Variants in THADA observed in about 807,000 individuals in gnomAD.
THADA encodes the protein tRNA (32-2'-O)-methyltransferase regulator THADA.
THADA carries 213 observed loss-of-function variants against 219.8 expected under a neutral mutation model. That is an observed-to-expected ratio of 0.97 (90% CI 0.87 to 1.09). The LOEUF (loss-of-function observed/expected upper bound fraction) is 1.09, where lower values mean the gene tolerates loss of function less well. Among genes scored for constraint, THADA ranks in the 50% least tolerant of loss-of-function variants. The pLI, the probability that THADA is intolerant of heterozygous loss-of-function variation, is 0.00. For synonymous variants in THADA, 1,018 were observed against 828.9 expected (o/e 1.23, Z -3.92); for missense variants, 2,956 against 2,311.3 (o/e 1.28, Z -5.72).
In THADA at chr2:43,560,250, G is replaced by A; in HGVS notation, c.2447C>T (p.Thr816Ile). 1 of 1,611,476 alleles carries A rather than the reference G, an allele frequency of 6.2e-7. No individual in the cohort carries two copies. The highest frequency in any genetic ancestry group is 1.3e-5 in the African/African-American group (1 of 74,938). Residue 816 changes from threonine (T) to isoleucine (I), a missense_variant, in exon 16 of 38, where the codon ACA (threonine) becomes ATA (isoleucine). By Grantham distance (89) the Thr-to-Ile change is moderately conservative (BLOSUM62 -1). Transcript: ENST00000405975. The stretch of plus-strand genomic sequence containing the variant: ...TCCTGATACCTGAAAATGTACAGCT[G>A]TTTTTGATAACTTCATCAGAAGATC... Reference protein sequence around the residue: ...AFDLLMKLSKTAVHFQDSGKL... With the variant: ...AFDLLMKLSKIAVHFQDSGKL...
intron 29 of THADA, among the ~76,000 whole-genome samples, chr2:43,366,818 A>G (rs892944141): frequency 1.3e-5 from 2 of 152,350 alleles, no homozygotes; most frequent in East Asian, 3.9e-4. Context: ...TCTCAAAGAG[A>G]TATTTGTACA....
intron 25 of THADA, among the ~76,000 whole-genome samples, chr2:43,498,221 G>T (rs1051363409): frequency 3.3e-5 from 5 of 152,136 alleles, no homozygotes; most frequent in Admixed American, 2.0e-4. Context: ...GTTACTAGGG[G>T]TGAGGGAGAT....
chr2:43,502,435 A>T (rs1246209909), intron 24 of THADA, among the ~76,000 whole-genome samples: 7 of 152,032 alleles, frequency 4.6e-5, no homozygotes, highest in Non-Finnish European at 8.8e-5. Context: ...AAATATAAAA[A>T]TTATCAGGGC....
At position 43,452,894 on chromosome 2, in the gene THADA, A is replaced by G. The variant is rs140740698; in HGVS notation, c.3837-22592T>C. Among the ~76,000 whole-genome samples, 593 of 152,244 alleles carry G rather than the reference A, an allele frequency of 3.9e-3. 4 individuals carry two copies. The highest frequency in any genetic ancestry group is 0.012 in the African/African-American group (500 of 41,528). On this transcript the variant is annotated intron_variant, in intron 26 of 37. Coordinates refer to ENST00000405975, the MANE Select transcript of THADA (RefSeq NM_022065.5). Reference sequence around the variant, plus strand: ...CAAATTAAGAGACTCTTCCTAATATACTAGAATATCCCTTACTACCCTCCA... The same window carrying G: ...CAAATTAAGAGACTCTTCCTAATATGCTAGAATATCCCTTACTACCCTCCA...
chr2:43,352,116 G>A (rs1220648543), intron 29 of THADA, among the ~76,000 whole-genome samples: 3 of 152,160 alleles, frequency 2.0e-5, no homozygotes, highest in African/African-American at 7.2e-5. Context: ...AAAATTATTT[G>A]TAAAATAAAT....
chr2:43,384,003 G>A (rs894534702), intron 29 of THADA, among the ~76,000 whole-genome samples: 4 of 152,024 alleles, frequency 2.6e-5, no homozygotes, highest in African/African-American at 7.2e-5. Context: ...TACACACACA[G>A]GCTACCCCCC....
chr2:43,514,792 A>G (rs1332116129), intron 22 of THADA, among the ~76,000 whole-genome samples: 2 of 92,322 alleles, frequency 2.2e-5, no homozygotes, highest in Non-Finnish European at 3.7e-5. Flanking sequence ...ATATAATAAT[A>G]TGTACAATAT....
intron 20 of THADA, among the ~76,000 whole-genome samples, chr2:43,546,691 A>AC (rs1696075132): frequency 6.6e-6 from 1 of 151,690 alleles, no homozygotes; most frequent in Non-Finnish European, 1.5e-5. Flanking sequence ...TAGGATTGCA[A>AC]CCCCTGCCTT....
rs116336691 is a variant in THADA, at chr2:43,476,672, T to C, written c.3836+8562A>G. Among the ~76,000 whole-genome samples, 615 of 152,270 alleles carry C rather than the reference T, an allele frequency of 4.0e-3. 7 individuals are homozygous for C. The highest frequency in any genetic ancestry group is 0.014 in the African/African-American group (589 of 41,546). ...ACTTAATTTACTAGCAAGACTGTAT[T>C]TCAAAGCTGGTTACTATGTTATGTC... is the stretch of plus-strand genomic sequence containing the variant. On this transcript the variant is annotated intron_variant, in intron 26 of 37. Transcript: ENST00000405975.
At chr2:43,355,405 G>A (rs761817128) in intron 29 of THADA, among the ~76,000 whole-genome samples, 4 of 152,128 alleles carry the variant, frequency 2.6e-5, no homozygotes, top group African/African-American at 4.8e-5. Context: ...CATTATTGCC[G>A]GTGTCTTGGT....
At chr2:43,508,520 G>C in intron 23 of THADA, 128 bp downstream of exon 23, 1 of 894,472 alleles carries the variant, frequency 1.1e-6, no homozygotes, top group South Asian at 2.3e-5. Context: ...AGCCACAAAT[G>C]CTATGGTGCT....
intron 29 of THADA, among the ~76,000 whole-genome samples, chr2:43,371,056 ATGCCCACAAC>A (rs1670745918): frequency 3.3e-5 from 5 of 152,362 alleles, no homozygotes; most frequent in African/African-American, 1.2e-4. Context: ...ACTGAAAAAC[ATGCCCACAAC>A]ATTTTCTTTT....
chr2:43,574,253 T>C, intron 11 of THADA, 83 bp downstream of exon 11: 1 of 929,980 alleles, frequency 1.1e-6, no homozygotes, highest in Admixed American at 3.1e-5. Flanking sequence ...TATTTAAATT[T>C]GAATATGATT....
intron 21 of THADA, among the ~76,000 whole-genome samples, chr2:43,536,310 C>G (rs1007843157): frequency 6.6e-6 from 1 of 152,114 alleles, no homozygotes; most frequent in Admixed American, 6.5e-5. Flanking sequence ...GTCTATGTGT[C>G]TGTTTGTACA....
chr2:43,372,851 G>A (rs145063493), intron 29 of THADA, among the ~76,000 whole-genome samples: 129 of 152,212 alleles, frequency 8.5e-4, no homozygotes, highest in Middle Eastern at 6.8e-3. Flanking sequence ...ACAGGTGTGC[G>A]CCACCACACC....
chr2:43,539,856 G>A (rs887716606), intron 21 of THADA, among the ~76,000 whole-genome samples: 4 of 151,380 alleles, frequency 2.6e-5, no homozygotes, highest in African/African-American at 4.9e-5. Context: ...ATTTTAACAC[G>A]GCTGTCGCAC....
At chr2:43,365,747 G>A (rs946198652) in intron 29 of THADA, among the ~76,000 whole-genome samples, 11 of 152,194 alleles carry the variant, frequency 7.2e-5, no homozygotes, top group Admixed American at 2.6e-4. Context: ...AAAAAAGGTG[G>A]GTTCCTTGAT....
chr2:43,562,919 CCTA>C (rs1458594451), intron 15 of THADA: 2 of 152,102 alleles, frequency 1.3e-5, no homozygotes, highest in African/African-American at 2.4e-5. Flanking sequence ...TAGAAATGTT[CCTA>C]CTTTCATTTC....
At chr2:43,579,540 T>C (rs1700195576) in intron 8 of THADA, among the ~76,000 whole-genome samples, 1 of 152,214 alleles carries the variant, frequency 6.6e-6, no homozygotes, top group African/African-American at 2.4e-5. Flanking sequence ...ACTCTGCCCT[T>C]CATCACTGAT....
Sources: gnomAD v4.1 joint callset for allele counts (sites outside exome capture counted in the v4.1 genomes callset) on GRCh38, gnomAD v4.1.1 for gene constraint, MANE v1.5 for transcripts, NCBI Gene and HGNC (gene_info 2026-07-23, HGNC 2026-07-21) for gene names.